The following KCND2 variants were observed in gnomAD, a reference collection of about 807,000 sequenced individuals.
KCND2 encodes the protein A-type voltage-gated potassium channel KCND2.
A neutral mutation model predicts 54.4 loss-of-function variants in KCND2; 16 were observed. That is an observed-to-expected ratio of 0.29 (90% CI 0.20 to 0.45). KCND2 has a LOEUF of 0.45. Ranked by LOEUF, KCND2 falls within the 20% of genes least tolerant of loss-of-function variation. The pLI is 1.00. For missense variants in KCND2, 486 were observed against 824.2 expected (o/e 0.59, Z 5.02); for synonymous variants, 317 against 310.7 (o/e 1.02, Z -0.21).
At chr7:120,391,071 CT>C (rs1563030732) in intron 1 of KCND2, among the ~76,000 whole-genome samples, 1 of 152,062 alleles carries the variant, frequency 6.6e-6, no homozygotes, top group East Asian at 1.9e-4. Flanking sequence ...TCCCCTTTGC[CT>C]CCACTGCCCA....
At chr7:120,442,731 T>A (rs1801961657) in intron 1 of KCND2, among the ~76,000 whole-genome samples, 1 of 152,110 alleles carries the variant, frequency 6.6e-6, no homozygotes, top group African/African-American at 2.4e-5. Context: ...TCCAACAGCA[T>A]GTGAAATGTA....
At chr7:120,395,174 C>A (rs1801136236) in intron 1 of KCND2, among the ~76,000 whole-genome samples, 1 of 151,978 alleles carries the variant, frequency 6.6e-6, no homozygotes, top group African/African-American at 2.4e-5. Context: ...TGTGTCTTTT[C>A]AAAATCGTCA....
At chr7:120,680,373 A>G (rs73721449) in intron 1 of KCND2, among the ~76,000 whole-genome samples, 4,900 of 152,208 alleles carry the variant, frequency 0.032, 226 homozygotes, top group African/African-American at 0.11. Flanking sequence ...CTACATGCAC[A>G]TGTGATATTC....
At chr7:120,523,732 GTGTGTGTGTGTGTGTA>G (rs1420647276) in intron 1 of KCND2, among the ~76,000 whole-genome samples, 21 of 144,570 alleles carry the variant, frequency 1.5e-4, no homozygotes, top group African/African-American at 4.8e-4. Context: ...GTGTGTGTGT[GTGTGTGTGTGTGTGTA>G]TGTCTTTGGC....
intron 1 of KCND2, among the ~76,000 whole-genome samples, chr7:120,278,212 G>C (rs1004044864): frequency 6.6e-6 from 1 of 151,752 alleles, no homozygotes; most frequent in African/African-American, 2.4e-5. Context: ...ATTCTTATAA[G>C]CCCTGCCTTT....
chr7:120,414,041 T>C (rs1801489786), intron 1 of KCND2, among the ~76,000 whole-genome samples: 1 of 151,998 alleles, frequency 6.6e-6, no homozygotes, highest in African/African-American at 2.4e-5. Flanking sequence ...GATGAGGTTC[T>C]AAGTCTCTAG....
At position 120,490,903 on chromosome 7, in the gene KCND2, T is replaced by C. The variant is rs566462799; in HGVS notation, c.1115+215156T>C. Among the ~76,000 whole-genome samples the C allele has an allele frequency of 3.3e-5, 5 of 152,288 alleles. No individual in the cohort carries two copies. The East Asian group carries it at 7.7e-4, about 24-fold the overall frequency. On this transcript the variant is annotated intron_variant, in intron 1 of 5. Transcript: ENST00000331113. ...ACCTGTCATCTCATTGCTGAAGTTA[T>C]AACGAGATTTTGGGAATCACAGCAG...
At chr7:120,530,428 G>T (rs1791829288) in intron 1 of KCND2, among the ~76,000 whole-genome samples, 1 of 152,132 alleles carries the variant, frequency 6.6e-6, no homozygotes, top group South Asian at 2.1e-4. Flanking sequence ...ATTATTCAGA[G>T]CAGGTGCTTT....
chr7:120,638,403 A>T (rs562875611), intron 1 of KCND2, among the ~76,000 whole-genome samples: 2 of 152,254 alleles, frequency 1.3e-5, no homozygotes, highest in South Asian at 4.1e-4. Context: ...ACTTCTAAGG[A>T]TGTGGCAAAT....
At chr7:120,682,240 G>C (rs1792148493) in intron 1 of KCND2, among the ~76,000 whole-genome samples, 1 of 151,822 alleles carries the variant, frequency 6.6e-6, no homozygotes, top group Non-Finnish European at 1.5e-5. Context: ...CATTACATAA[G>C]TTATTTCTCT....
chr7:120,498,113 T>C (rs1802876115), intron 1 of KCND2, among the ~76,000 whole-genome samples: 1 of 152,188 alleles, frequency 6.6e-6, no homozygotes, highest in African/African-American at 2.4e-5. Context: ...TCTATTGAAA[T>C]AGGGATACTA....
At chr7:120,288,112 A>G (rs1164199723) in intron 1 of KCND2, among the ~76,000 whole-genome samples, 1 of 152,082 alleles carries the variant, frequency 6.6e-6, no homozygotes, top group African/African-American at 2.4e-5. Context: ...AAAGCTACTG[A>G]TTTTCTAACA....
chr7:120,543,382 A>G (rs1792005760), intron 1 of KCND2, among the ~76,000 whole-genome samples: 1 of 151,952 alleles, frequency 6.6e-6, no homozygotes, highest in African/African-American at 2.4e-5. Context: ...TAGGACTAAC[A>G]ACTTTCCCCT....
intron 1 of KCND2, among the ~76,000 whole-genome samples, chr7:120,335,040 G>C (rs1209603413): frequency 6.6e-6 from 1 of 152,080 alleles, no homozygotes; most frequent in Non-Finnish European, 1.5e-5. Context: ...CCACTGAAGA[G>C]GAAAAGGCTA....
intron 1 of KCND2, among the ~76,000 whole-genome samples, chr7:120,432,520 CA>C (rs11311255): frequency 0.063 from 9,636 of 152,254 alleles, 933 homozygotes; most frequent in African/African-American, 0.22. Flanking sequence ...CACACACACA[CA>C]CACCCCTCAT....
At chr7:120,583,046 T>C (rs573177999) in intron 1 of KCND2, among the ~76,000 whole-genome samples, 1 of 152,116 alleles carries the variant, frequency 6.6e-6, no homozygotes, top group Non-Finnish European at 1.5e-5. Context: ...AGAAAGTATA[T>C]TGTACACTTA....
At chr7:120,546,230 A>G (rs985573696) in intron 1 of KCND2, among the ~76,000 whole-genome samples, 1 of 151,922 alleles carries the variant, frequency 6.6e-6, no homozygotes, top group Admixed American at 6.6e-5. Flanking sequence ...ATGGGTCTCA[A>G]TATATGTTGA....
intron 1 of KCND2, among the ~76,000 whole-genome samples, chr7:120,450,662 T>C (rs994758220): frequency 2.0e-5 from 3 of 152,164 alleles, no homozygotes; most frequent in African/African-American, 7.2e-5. Context: ...TGACTTAGAA[T>C]CATTAAAAGA....
chr7:120,692,205 G>A (rs886618618), intron 1 of KCND2, among the ~76,000 whole-genome samples: 21 of 152,120 alleles, frequency 1.4e-4, no homozygotes, highest in Admixed American at 2.0e-4. Context: ...TCATTTGTTT[G>A]GTGATGGGCA....
Sources: allele counts gnomAD v4.1 joint callset (sites outside exome capture counted in the v4.1 genomes callset), GRCh38; gene constraint gnomAD v4.1.1; transcripts MANE v1.5; gene names NCBI Gene and HGNC (gene_info 2026-07-23, HGNC 2026-07-21).